The following HEATR1 variants were observed in gnomAD, a reference collection of about 807,000 sequenced individuals.
HEATR1 encodes the protein HEAT repeat-containing protein 1.
HEATR1 carries 77 observed loss-of-function variants against 248.2 expected under a neutral mutation model. That is an observed-to-expected ratio of 0.31 (90% CI 0.26 to 0.37). HEATR1 has a LOEUF of 0.37. Ranked by LOEUF, HEATR1 falls within the 10% of genes least tolerant of loss-of-function variation. The pLI is 1.00. For synonymous variants in HEATR1, 897 were observed against 923.1 expected, an observed-to-expected ratio of 0.97 and a Z score of 0.51; for missense variants, 2,420 against 2,504.9, an observed-to-expected ratio of 0.97 and a Z score of 0.72.
chr1:236,584,976 C>T, intron 17 of HEATR1, 49 bp downstream of exon 17: 1 of 1,502,722 alleles, frequency 6.7e-7, no homozygotes, highest in South Asian at 1.2e-5. Context: ...ATAGGCCAGG[C>T]TGTTGTTTTA....
intron 12 of HEATR1, 148 bp downstream of exon 12, chr1:236,590,699 C>G (rs185245526): frequency 7.0e-5 from 28 of 398,594 alleles, no homozygotes; most frequent in African/African-American, 5.2e-4. Context: ...ATACACAGTC[C>G]TAAATATTAG....
rs770895179 is a variant in HEATR1, at chr1:236,595,527, T to G, written c.1090+13A>C. ...TTAGAAAATTTCTGGACAAAAAATA[T>G]AAAACCACACACCTGTAACATGATG... On this transcript the variant is annotated intron_variant, in intron 8 of 44. Coordinates refer to ENST00000366582, the MANE Select transcript of HEATR1 (RefSeq NM_018072.6). The G allele has an allele frequency of 6.3e-7, 1 of 1,590,634 alleles. No homozygotes were observed. The highest frequency in any genetic ancestry group is 1.2e-5 in the South Asian group (1 of 86,164).
chr1:236,573,718 G>C (rs1663491724), intron 24 of HEATR1, among the ~76,000 whole-genome samples: 1 of 152,026 alleles, frequency 6.6e-6, no homozygotes, highest in South Asian at 2.1e-4. Context: ...CTAGATACTA[G>C]AACTTTGTAT....
chr1:236,558,954 G>A (rs1663050811), intron 35 of HEATR1, 41 bp downstream of exon 35: 1 of 1,522,676 alleles, frequency 6.6e-7, no homozygotes. Context: ...CTTTGATAAA[G>A]CAAAGTACAG....
rs919883383 is a variant in HEATR1, at chr1:236,566,996, A to AT, written c.4078-121dup. ...AGAAATTGCCAGAAGAATTTTATTT[A>AT]TTTTTTTAGAGACAGGGTCTTTCTC... On this transcript the variant is annotated intron_variant, in intron 29 of 44. Transcript: ENST00000366582. 1.6e-4 allele frequency: 108 copies of AT among 661,190 alleles called. 1 individual carries two copies. In the Middle Eastern group the frequency reaches 3.6e-3, roughly 22 times the overall value. 41.0% of individuals were successfully genotyped at this position (661,190 alleles called of 1,614,324 possible).
At chr1:236,575,096 T>TGTGTAATGCTCAAAA (rs1357949478) in intron 22 of HEATR1, among the ~76,000 whole-genome samples, 193 bp from the exon 23 acceptor site, 4 of 152,208 alleles carry the variant, frequency 2.6e-5, no homozygotes, top group Non-Finnish European at 4.4e-5. Context: ...TGACAGTTCA[T>TGTGTAATGCTCAAAA]GTGTAATGCT....
rs149379590 is a variant in HEATR1 at position 236,571,463 on chromosome 1, T to A, written c.3836A>T (p.Asp1279Val). ...DGGKIPKDIL[D>V]EEKFNVELIV... is the part of the protein sequence containing the mutation. The stretch of plus-strand genomic sequence containing the variant: ...CAACTCCACGTTGAACTTCTCCTCA[T>A]CTAAAATATCTACAATGGTGAGAAA... The change falls in exon 28 of 45, where the codon GAT becomes GTT. Residue 1279 changes from aspartate (D) to valine (V), a missense_variant. By Grantham distance (152) the Asp-to-Val change is radical (BLOSUM62 -3). Coordinates refer to ENST00000366582, the MANE Select transcript of HEATR1 (RefSeq NM_018072.6). 6.2e-7 allele frequency: 1 copy of A among 1,613,664 alleles called. No homozygotes were observed. The highest frequency in any genetic ancestry group is 1.3e-5 in the African/African-American group (1 of 74,894).
chr1:236,586,599 T>TA, intron 14 of HEATR1, 147 bp from the exon 15 acceptor site: 1 of 553,452 alleles, frequency 1.8e-6, no homozygotes, highest in Non-Finnish European at 3.2e-6. Context: ...AGACACCACT[T>TA]AAAATCCATG....
intron 9 of HEATR1, among the ~76,000 whole-genome samples, chr1:236,593,604 A>T (rs1664100584): frequency 6.6e-6 from 1 of 150,784 alleles, no homozygotes; most frequent in South Asian, 2.1e-4. Flanking sequence ...AAAAAAAAAA[A>T]AAAGACTGAA....
At chr1:236,594,826 C>T (rs1348146601) in intron 8 of HEATR1, among the ~76,000 whole-genome samples, 1 of 151,986 alleles carries the variant, frequency 6.6e-6, no homozygotes, top group African/African-American at 2.4e-5. Context: ...GAGATAGGGT[C>T]TCACTCTGTC....
chr1:236,591,877 A>T (rs771467468), intron 11 of HEATR1, 116 bp downstream of exon 11: 2 of 605,254 alleles, frequency 3.3e-6, no homozygotes, highest in Non-Finnish European at 6.0e-6. Flanking sequence ...GTAGAAGGTT[A>T]TCTCTGTAAA....
At chr1:236,582,706 G>A in intron 19 of HEATR1, 30 bp downstream of exon 19, 1 of 1,612,176 alleles carries the variant, frequency 6.2e-7, no homozygotes, top group Non-Finnish European at 8.5e-7. Flanking sequence ...TTTAAGGGTA[G>A]AGTACGCCTG....
At chr1:236,557,392 G>C in intron 36 of HEATR1, 47 bp from the exon 37 acceptor site, 4 of 1,603,942 alleles carry the variant, frequency 2.5e-6, no homozygotes, top group Non-Finnish European at 3.4e-6. Flanking sequence ...CAGAAACAGA[G>C]GCTAGGGAAT....
At position 236,566,796 on chromosome 1, in the gene HEATR1, C is replaced by G. The variant is rs201057500; in HGVS notation, c.4158G>C (p.Ala1386=). 8.8e-5 allele frequency: 142 copies of G among 1,614,062 alleles called. No individual in the cohort carries two copies. In the Middle Eastern group the frequency reaches 1.2e-3, roughly 13 times the overall value. The change falls in exon 30 of 45, where the codon GCG becomes GCC. Residue 1386 remains alanine (A), a synonymous_variant. Transcript: ENST00000366582. ...VVKIISVFVD[A]LPHVPEHRRL... is the part of the protein sequence containing the mutation. ...GCCTGTGCTCCGGGACGTGTGGCAG[C>G]GCATCCACAAATACACTAATGATTT...
chr1:236,551,413 T>C (rs1662738244), intron 44 of HEATR1: 1 of 163,896 alleles, frequency 6.1e-6, no homozygotes, highest in Non-Finnish European at 1.3e-5. Flanking sequence ...TAAGACTCTA[T>C]GTTCCAGAAC....
intron 14 of HEATR1, among the ~76,000 whole-genome samples, chr1:236,586,936 T>C (rs1456841852): frequency 1.3e-5 from 2 of 152,098 alleles, no homozygotes; most frequent in East Asian, 1.9e-4. Context: ...TCATCCTCTA[T>C]GGAGCTTGCT....
intron 37 of HEATR1, 87 bp from the exon 38 acceptor site, chr1:236,556,345 C>T: frequency 1.5e-6 from 2 of 1,364,204 alleles, no homozygotes; most frequent in Non-Finnish European, 2.1e-6. Flanking sequence ...TGATGAGGTA[C>T]TAGTGTTTGG....
intron 20 of HEATR1, among the ~76,000 whole-genome samples, chr1:236,579,154 A>C (rs780498265): frequency 1.1e-4 from 17 of 152,232 alleles, no homozygotes; most frequent in Non-Finnish European, 2.9e-5. Context: ...CCAATATGAC[A>C]CAAGTGGAAA....
At chr1:236,567,845 G>A (rs532989097) in intron 29 of HEATR1, among the ~76,000 whole-genome samples, 70 of 152,352 alleles carry the variant, frequency 4.6e-4, no homozygotes, top group African/African-American at 1.7e-3. Flanking sequence ...GATTTGGGTT[G>A]TGCCTCAAGA....
Sources: allele counts gnomAD v4.1 joint callset (sites outside exome capture counted in the v4.1 genomes callset), GRCh38; gene constraint gnomAD v4.1.1; transcripts MANE v1.5; gene names NCBI Gene and HGNC (gene_info 2026-07-23, HGNC 2026-07-21).